Variants in PIK3C2A observed in about 807,000 individuals in gnomAD.
PIK3C2A encodes phosphatidylinositol-4-phosphate 3-kinase catalytic subunit type 2 alpha.
A neutral mutation model predicts 204.5 loss-of-function variants in PIK3C2A; 97 were observed. The ratio of observed to expected loss-of-function variants is 0.47; its 90% CI spans 0.40 to 0.56. PIK3C2A has a LOEUF of 0.56. PIK3C2A is among the 20% of genes least tolerant of loss of function. PIK3C2A has a pLI of 0.00. For synonymous variants in PIK3C2A, 653 were observed against 664.4 expected (o/e 0.98, Z 0.26); for missense variants, 1,735 against 1,969.2 (o/e 0.88, Z 2.25).
chr11:17,109,632 TG>T (rs1305216935), intron 22 of PIK3C2A, among the ~76,000 whole-genome samples: 2 of 152,202 alleles, frequency 1.3e-5, no homozygotes, highest in African/African-American at 4.8e-5. Flanking sequence ...AGCATGATCA[TG>T]GTTCACTGAA....
In PIK3C2A at chr11:17,088,149, A is replaced by G. The variant is rs1209646121; in HGVS notation, c.*1589T>C. On this transcript the variant is annotated 3_prime_UTR_variant, in exon 33 of 33. Transcript: ENST00000691414. Reference sequence around the variant, plus strand: ...CTATTACCATTTTTAAAGTATCTGTATTTCTATTCTAACCATGAGTTCTTA... The same window carrying G: ...CTATTACCATTTTTAAAGTATCTGTGTTTCTATTCTAACCATGAGTTCTTA... 1 of 147,646 alleles carries G rather than the reference A, an allele frequency of 6.8e-6. No homozygotes were observed. Among genetic ancestry groups the G allele is most frequent in the Admixed American group, 6.8e-5 (1 of 14,614 alleles). 9.1% of individuals were successfully genotyped at this position (147,646 alleles called of 1,614,324 possible).
At chr11:17,129,031 C>T (rs1307757279) in intron 13 of PIK3C2A, among the ~76,000 whole-genome samples, 7 of 152,216 alleles carry the variant, frequency 4.6e-5, no homozygotes, top group South Asian at 2.1e-4. Context: ...TTTATATAAA[C>T]GACAGTCATT....
At position 17,187,828 on chromosome 11, in the gene PIK3C2A, C is replaced by T. The variant is rs1446362264; in HGVS notation, c.-65-18022G>A. Among the ~76,000 whole-genome samples the T allele has an allele frequency of 2.0e-5, 3 of 151,682 alleles. No homozygotes were observed. The Admixed American group carries it at 2.0e-4, about 10-fold the overall frequency. ...AAACTGGATACAGTTGAACAGGATA[C>T]AATCAGAAACACAGATGGAGGGGTT... On this transcript the variant is annotated intron_variant, in intron 1 of 32. Transcript: ENST00000691414.
chr11:17,198,445 C>T (rs1177058337), intron 1 of PIK3C2A, among the ~76,000 whole-genome samples: 1 of 151,966 alleles, frequency 6.6e-6, no homozygotes. Context: ...ACTTGATCTC[C>T]CTTTGTCTTT....
chr11:17,150,669 A>G lies in PIK3C2A; in HGVS notation c.1170-14T>C. 5.8e-6 allele frequency: 9 copies of G among 1,561,880 alleles called. No individual in the cohort carries two copies. Among genetic ancestry groups the G allele is most frequent in the Non-Finnish European group, 7.8e-6 (9 of 1,157,828 alleles). ...TTGGTCTTCAATCTGTTCACAAGAA[A>G]GAAGAAATTAAATTCTTTTTTAAAA... On this transcript the variant is annotated splice_polypyrimidine_tract_variant and intron_variant, in intron 3 of 32. Coordinates refer to ENST00000691414, the MANE Select transcript of PIK3C2A (RefSeq NM_002645.4).
At chr11:17,117,443 C>G in intron 19 of PIK3C2A, 48 bp downstream of exon 19, 1 of 1,321,520 alleles carries the variant, frequency 7.6e-7, no homozygotes, top group Non-Finnish European at 1.1e-6. Context: ...CCATAAAGAT[C>G]CTTCCTTTAA....
intron 1 of PIK3C2A, among the ~76,000 whole-genome samples, chr11:17,174,105 C>T (rs1184552375): frequency 1.3e-5 from 2 of 151,538 alleles, no homozygotes; most frequent in South Asian, 2.1e-4. Flanking sequence ...GGATTACAGG[C>T]GTGAACCACC....
chr11:17,145,880 G>A lies in PIK3C2A; in HGVS notation c.1623C>T (p.Cys541=). ...NKHLYQIEKP[C]KEAMTRHPVE... is the part of the protein sequence containing the mutation. ...TGATATACCTCGTCATGGCTTCTTT[G>A]CAAGGTTTTTCTATTTGATACAGGT... Residue 541 remains cysteine (C), a synonymous_variant, in exon 7 of 33, where the codon TGC becomes TGT. Coordinates refer to ENST00000691414, the MANE Select transcript of PIK3C2A (RefSeq NM_002645.4). The A allele has an allele frequency of 6.2e-7, 1 of 1,613,392 alleles. No individual in the cohort carries two copies. Among genetic ancestry groups the A allele is most frequent in the South Asian group, 1.1e-5 (1 of 91,070 alleles).
intron 3 of PIK3C2A, among the ~76,000 whole-genome samples, chr11:17,153,171 C>T (rs1351253989): frequency 6.6e-6 from 1 of 152,108 alleles, no homozygotes; most frequent in Non-Finnish European, 1.5e-5. Context: ...GTGGCTCACA[C>T]CTGTAATGCC....
intron 26 of PIK3C2A, among the ~76,000 whole-genome samples, chr11:17,099,083 C>T (rs1355835344): frequency 3.3e-5 from 5 of 152,104 alleles, no homozygotes; most frequent in Non-Finnish European, 7.3e-5. Flanking sequence ...TTAGTGCAGA[C>T]GGGGTTTCTC....
rs61747757 is a variant in PIK3C2A, at chr11:17,169,424, A to G, written c.318T>C (p.Asp106=). ...TQAELEKLLL[D]DSFETKKTPV... is the part of the protein sequence containing the mutation. ...GTGTTTTTTTAGTCTCGAAACTGTC[A>G]TCCAGCAATAGTTTCTCAAGTTCAG... Residue 106 remains aspartate (D), a synonymous_variant, in exon 2 of 33, where the codon GAT becomes GAC. Transcript: ENST00000691414. 1 of 1,614,046 alleles carries G rather than the reference A, an allele frequency of 6.2e-7. No homozygotes were observed.
intron 2 of PIK3C2A, among the ~76,000 whole-genome samples, chr11:17,167,667 G>C (rs775716569): frequency 6.6e-6 from 1 of 151,954 alleles, no homozygotes; most frequent in South Asian, 2.1e-4. Context: ...AACATAAACC[G>C]ATCCAAATCA....
intron 1 of PIK3C2A, among the ~76,000 whole-genome samples, chr11:17,203,678 T>G (rs1852462671): frequency 6.6e-6 from 1 of 152,134 alleles, no homozygotes; most frequent in African/African-American, 2.4e-5. Context: ...ATCTTTTTTG[T>G]GGTGGTGGTT....
chr11:17,100,116 G>A (rs947543152), intron 25 of PIK3C2A, 147 bp from the exon 26 acceptor site: 6 of 450,032 alleles, frequency 1.3e-5, no homozygotes, highest in African/African-American at 1.2e-4. Context: ...GGGGACCTAG[G>A]TGATTATCTA....
chr11:17,142,855 T>C (rs567954676), intron 8 of PIK3C2A, among the ~76,000 whole-genome samples: 1 of 151,876 alleles, frequency 6.6e-6, no homozygotes, highest in Non-Finnish European at 1.5e-5. Context: ...TATAAGAGAA[T>C]GGGAAGAAAG....
At chr11:17,153,350 G>A (rs1423561223) in intron 3 of PIK3C2A, among the ~76,000 whole-genome samples, 4 of 151,556 alleles carry the variant, frequency 2.6e-5, no homozygotes, top group Admixed American at 6.6e-5. Context: ...CAGGAGAATC[G>A]CTTGAACCTG....
intron 27 of PIK3C2A, 104 bp from the exon 28 acceptor site, chr11:17,094,489 C>A: frequency 2.4e-6 from 2 of 826,826 alleles, no homozygotes; most frequent in East Asian, 5.7e-5. Flanking sequence ...TTTGGGAGGC[C>A]GAGGTGGGTG....
At chr11:17,092,998 C>A (rs931136131) in intron 28 of PIK3C2A, among the ~76,000 whole-genome samples, 2 of 152,152 alleles carry the variant, frequency 1.3e-5, no homozygotes, top group African/African-American at 4.8e-5. Flanking sequence ...GTAAAATCCA[C>A]AAATAATAAC....
chr11:17,100,583 G>A lies in PIK3C2A; in HGVS notation c.4009-614C>T, dbSNP rs112133946. On this transcript the variant is annotated intron_variant, in intron 25 of 32. Transcript: ENST00000691414. ...ACAAGTACAATTTTGGTACATGTAT[G>A]TATCACATAGTGATAAAGTCTGGGC... 3.8e-3 allele frequency among the ~76,000 whole-genome samples: 574 copies of A among 152,232 alleles called. 3 individuals are homozygous for A. Among genetic ancestry groups the A allele is most frequent in the African/African-American group, 0.013 (545 of 41,534 alleles).
Sources: gnomAD v4.1 joint callset for allele counts (sites outside exome capture counted in the v4.1 genomes callset) on GRCh38, gnomAD v4.1.1 for gene constraint, MANE v1.5 for transcripts, NCBI Gene and HGNC (gene_info 2026-07-23, HGNC 2026-07-21) for gene names.